The following NEK5 variants were observed in gnomAD, a reference collection of about 807,000 sequenced individuals.
NEK5 encodes NIMA related kinase 5, also known as serine/threonine-protein kinase Nek5.
In NEK5, 88 loss-of-function variants were observed where a neutral mutation model predicts 109.2. The ratio of observed to expected loss-of-function variants is 0.81; its 90% confidence interval spans 0.68 to 0.96. The LOEUF (loss-of-function observed/expected upper bound fraction) is 0.96. Ranked by LOEUF, NEK5 falls within the 40% of genes least tolerant of loss-of-function variation. NEK5 has a pLI of 0.00. For synonymous variants in NEK5, 283 were observed against 299.9 expected (o/e 0.94, Z 0.58); for missense variants, 834 against 920.7 (o/e 0.91, Z 1.22).
At chr13:52,097,603 A>ATGCC (rs1229522530) in intron 12 of NEK5, among the ~76,000 whole-genome samples, 1 of 152,218 alleles carries the variant, frequency 6.6e-6, no homozygotes, top group Non-Finnish European at 1.5e-5. Context: ...TATTTACCCA[A>ATGCC]TGCCTGTACC....
intron 19 of NEK5, among the ~76,000 whole-genome samples, chr13:52,073,181 T>A (rs1954810157): frequency 1.3e-5 from 2 of 152,188 alleles, no homozygotes. Flanking sequence ...ATTAATATTA[T>A]GAGTAAAATA....
chr13:52,053,904 G>C (rs1954529778), intron 22 of NEK5, among the ~76,000 whole-genome samples: 1 of 152,178 alleles, frequency 6.6e-6, no homozygotes, highest in African/African-American at 2.4e-5. Context: ...CCTTGTCCTT[G>C]TTATTCAATT....
intron 17 of NEK5, among the ~76,000 whole-genome samples, chr13:52,080,238 G>A (rs1213709998): frequency 7.9e-5 from 11 of 139,218 alleles, no homozygotes; most frequent in East Asian, 2.0e-4. Context: ...CCCCCCGCCC[G>A]GCCAGCCGCC....
chr13:52,085,622 C>A (rs1301108897), intron 16 of NEK5, among the ~76,000 whole-genome samples: 10 of 152,208 alleles, frequency 6.6e-5, no homozygotes, highest in Non-Finnish European at 5.9e-5. Context: ...GAGAGCATTC[C>A]AGGGCACTGA....
At chr13:52,127,305 T>A (rs1815110116) in intron 3 of NEK5, 61 bp downstream of exon 3, 1 of 882,220 alleles carries the variant, frequency 1.1e-6, no homozygotes, top group South Asian at 1.5e-5. Flanking sequence ...CTTTTTATAT[T>A]GGATTAAAAG....
Position 52,099,877 on chromosome 13 carries a change from CTTAA to C in NEK5, c.893-5_893-2del. Reference sequence around the variant, plus strand: ...AATCTCACTTTTTGTATTTTACACTCTTAATTAACCAAAATAAAACAGCTTCAAT... The same window carrying C: ...AATCTCACTTTTTGTATTTTACACTCTTAACCAAAATAAAACAGCTTCAAT... On this transcript the variant is annotated splice_acceptor_variant and splice_polypyrimidine_tract_variant and intron_variant, in intron 11 of 23. Coordinates refer to ENST00000684899, the MANE Select transcript of NEK5 (RefSeq NM_001365552.1). LOFTEE classifies it high-confidence loss of function. 6.2e-7 allele frequency: 1 copy of C among 1,611,366 alleles called. No homozygotes were observed. Among genetic ancestry groups the C allele is most frequent in the Non-Finnish European group, 8.5e-7 (1 of 1,178,298 alleles).
rs1954675921 is a variant in NEK5 at position 52,065,576 on chromosome 13, T to C, written c.1883A>G (p.Asn628Ser). ...FSTQTVAAVG[N>S]RRQWDGGAPQ... Reference sequence around the variant, plus strand: ...CGCTCCTCCATCCCACTGCCTCCTGTTTCCCACAGCAGCTACAGTCTGCGT... The same window carrying C: ...CGCTCCTCCATCCCACTGCCTCCTGCTTCCCACAGCAGCTACAGTCTGCGT... The change falls in exon 21 of 24, where the codon AAC (asparagine) becomes AGC (serine). Residue 628 changes from asparagine (N) to serine (S), a missense_variant. Coordinates refer to ENST00000684899, the MANE Select transcript of NEK5 (RefSeq NM_001365552.1). 1.2e-6 allele frequency: 2 copies of C among 1,613,938 alleles called. No homozygotes were observed. Among genetic ancestry groups the C allele is most frequent in the Non-Finnish European group, 1.7e-6 (2 of 1,179,924 alleles).
At chr13:52,050,600 C>G (rs1954495004) in intron 22 of NEK5, among the ~76,000 whole-genome samples, 1 of 145,400 alleles carries the variant, frequency 6.9e-6, no homozygotes, top group South Asian at 2.2e-4. Flanking sequence ...AAAGCACACA[C>G]ACACCTTCAT....
At chr13:52,059,968 A>T (rs905491785) in intron 22 of NEK5, among the ~76,000 whole-genome samples, 4 of 151,312 alleles carry the variant, frequency 2.6e-5, no homozygotes, top group Middle Eastern at 3.2e-3. Context: ...AAAAAAATAA[A>T]AAAATAATAA....
chr13:52,087,738 G>C (rs2137902489), intron 14 of NEK5, among the ~76,000 whole-genome samples: 1 of 151,952 alleles, frequency 6.6e-6, no homozygotes, highest in East Asian at 1.9e-4. Flanking sequence ...CAATTGTCCT[G>C]TCTCAGCCTT....
chr13:52,097,025 G>T (rs899279069), intron 12 of NEK5, among the ~76,000 whole-genome samples: 1 of 152,192 alleles, frequency 6.6e-6, no homozygotes, highest in African/African-American at 2.4e-5. Context: ...TACAGCTCAG[G>T]CCATTGCTTC....
chr13:52,085,439 T>C (rs754842190), intron 16 of NEK5, among the ~76,000 whole-genome samples: 1 of 152,238 alleles, frequency 6.6e-6, no homozygotes, highest in African/African-American at 2.4e-5. Flanking sequence ...CAAACACAAC[T>C]GAATTGCACC....
chr13:52,119,286 TA>T, intron 4 of NEK5, 32 bp downstream of exon 4: 1 of 1,271,638 alleles, frequency 7.9e-7, no homozygotes, highest in Non-Finnish European at 1.1e-6. Flanking sequence ...CTATACTTTA[TA>T]AAAATACTTA....
At chr13:52,123,353 T>G (rs181685046) in intron 3 of NEK5, among the ~76,000 whole-genome samples, 1 of 152,126 alleles carries the variant, frequency 6.6e-6, no homozygotes, top group Non-Finnish European at 1.5e-5. Context: ...TGATGAAAAA[T>G]TGGTGCTCTA....
chr13:52,110,672 A>T, intron 5 of NEK5, 95 bp from the exon 6 acceptor site: 1 of 679,578 alleles, frequency 1.5e-6, no homozygotes, highest in Non-Finnish European at 2.6e-6. Flanking sequence ...TTATACACAC[A>T]CACACACACA....
At position 52,093,180 on chromosome 13, in the gene NEK5, T is replaced by C. The variant is rs1955329547; in HGVS notation, c.1082A>G (p.Tyr361Cys). Reference protein sequence around the residue: ...IAAVCGHYDYYYAQLDMLRRR... With the variant: ...IAAVCGHYDYCYAQLDMLRRR... ...CCTCAGCATATCAAGTTGAGCATAA[T>C]AATAATCATAATGTCCACAGACAGC... Residue 361 changes from tyrosine (Y) to cysteine (C), a missense_variant, in exon 13 of 24, where the codon TAT becomes TGT. Around this residue, in one of 2 missense-constraint regions of NEK5, gnomAD observed 777 missense variants for 824.7 expected, o/e 0.94. Coordinates refer to ENST00000684899, the MANE Select transcript of NEK5 (RefSeq NM_001365552.1). The C allele has an allele frequency of 3.7e-6, 6 of 1,613,538 alleles. No homozygotes were observed. The highest frequency in any genetic ancestry group is 5.1e-6 in the Non-Finnish European group (6 of 1,179,636).
intron 23 of NEK5, among the ~76,000 whole-genome samples, chr13:52,037,836 T>C (rs1302999115): frequency 2.0e-5 from 3 of 151,280 alleles, no homozygotes; most frequent in Non-Finnish European, 4.4e-5. Context: ...GGCAGGAGAA[T>C]GGCATGAACC....
chr13:52,112,519 G>A (rs577577478), intron 4 of NEK5, among the ~76,000 whole-genome samples, 154 bp from the exon 5 acceptor site: 13 of 152,106 alleles, frequency 8.5e-5, no homozygotes, highest in Admixed American at 3.3e-4. Flanking sequence ...TAACTTCTCC[G>A]TGCCTCATTA....
chr13:52,045,217 C>T (rs1954446500), intron 23 of NEK5, among the ~76,000 whole-genome samples: 2 of 141,548 alleles, frequency 1.4e-5, no homozygotes, highest in South Asian at 4.5e-4. Context: ...GCAAGCTCTG[C>T]CTCCCCGGTT....
Sources: gnomAD v4.1 joint callset for allele counts (sites outside exome capture counted in the v4.1 genomes callset) on GRCh38, gnomAD v4.1.1 for gene constraint, gnomAD v4.1.1 regional missense constraint, MANE v1.5 for transcripts, NCBI Gene and HGNC (gene_info 2026-07-23, HGNC 2026-07-21) for gene names.